POC1B: variants seen among roughly 807,000 people sequenced by gnomAD.
POC1B encodes the protein POC1 centriolar protein B.
POC1B carries 44 observed loss-of-function variants against 60.6 expected under a neutral mutation model. The observed-to-expected ratio is 0.73, with a 90% CI of 0.57 to 0.93. The LOEUF (loss-of-function observed/expected upper bound fraction) is 0.93. Ranked by LOEUF, POC1B falls within the 40% of genes least tolerant of loss-of-function variation. The pLI is 0.00. For missense variants in POC1B, 555 were observed against 572.3 expected (o/e 0.97, Z 0.31); for synonymous variants, 180 against 198.9 (o/e 0.90, Z 0.80).
chr12:89,415,960 A>C (rs572078762), downstream of POC1B, among the ~76,000 whole-genome samples: 2 of 152,190 alleles, frequency 1.3e-5, no homozygotes, highest in Admixed American at 1.3e-4. Flanking sequence ...ATGTTTGCCT[A>C]TCCTATTTCT....
chr12:89,516,510 C>T (rs963753811), intron 2 of POC1B, among the ~76,000 whole-genome samples: 1 of 152,170 alleles, frequency 6.6e-6, no homozygotes, highest in South Asian at 2.1e-4. Flanking sequence ...ACTAATAGTA[C>T]AATCTCCATA....
At chr12:89,502,804 C>G in intron 2 of POC1B, 1 of 1,314,892 alleles carries the variant, frequency 7.6e-7, no homozygotes, top group Non-Finnish European at 1.1e-6. Flanking sequence ...ACTTTGGTGA[C>G]CTTTCGTGTA....
chr12:89,424,771 G>A (rs1880687217), intron 11 of POC1B, among the ~76,000 whole-genome samples: 1 of 152,216 alleles, frequency 6.6e-6, no homozygotes, highest in Admixed American at 6.5e-5. Context: ...ATGCCTGGAA[G>A]ATCACTGCAT....
chr12:89,474,238 A>G (rs1160024705), intron 4 of POC1B, among the ~76,000 whole-genome samples: 1 of 151,992 alleles, frequency 6.6e-6, no homozygotes, highest in African/African-American at 2.4e-5. Context: ...TAAAAAACTA[A>G]TGCAAGGGAT....
the POC1B span, among the ~76,000 whole-genome samples, chr12:89,409,829 G>A: frequency 6.6e-6 from 1 of 152,064 alleles, no homozygotes; most frequent in East Asian, 1.9e-4. Flanking sequence ...TACCAACCAA[G>A]AAAAGCCAAG....
intron 4 of POC1B, among the ~76,000 whole-genome samples, chr12:89,476,697 AATAGATAG>A (rs754459068): frequency 0.075 from 10,524 of 139,840 alleles, 406 homozygotes; most frequent in Middle Eastern, 0.085. Flanking sequence ...AGACTGTCTC[AATAGATAG>A]ATAGATAGAT....
chr12:89,424,357 G>A (rs1373956263), intron 11 of POC1B, among the ~76,000 whole-genome samples: 2 of 152,180 alleles, frequency 1.3e-5, no homozygotes, highest in African/African-American at 4.8e-5. Context: ...TGATTATAAT[G>A]TACAGTCAGG....
At chr12:89,495,058 C>T (rs886712252) in intron 3 of POC1B, among the ~76,000 whole-genome samples, 7 of 152,164 alleles carry the variant, frequency 4.6e-5, no homozygotes, top group South Asian at 2.1e-4. Context: ...TCTTCCTTCC[C>T]GTTGCCACGA....
At chr12:89,500,773 T>C (rs1210594046) in intron 2 of POC1B, 2 of 1,040,556 alleles carry the variant, frequency 1.9e-6, no homozygotes, top group African/African-American at 1.6e-5. Flanking sequence ...GATAATAAAG[T>C]ATCAGATAAA....
intron 2 of POC1B, among the ~76,000 whole-genome samples, chr12:89,514,352 T>C (rs991732015): frequency 8.2e-5 from 12 of 146,274 alleles, no homozygotes; most frequent in African/African-American, 3.0e-4. Flanking sequence ...TGTGGAACTG[T>C]GAGCCAATCA....
At chr12:89,463,994 CAT>C (rs1882577574) in intron 9 of POC1B, among the ~76,000 whole-genome samples, 1 of 152,066 alleles carries the variant, frequency 6.6e-6, no homozygotes, top group South Asian at 2.1e-4. Context: ...TCATAGAAAA[CAT>C]AATACAAATC....
At chr12:89,453,166 G>A (rs556525193) in intron 10 of POC1B, among the ~76,000 whole-genome samples, 7 of 152,000 alleles carry the variant, frequency 4.6e-5, no homozygotes, top group South Asian at 2.1e-4. Context: ...ATTTAATTAC[G>A]TCACTTAATT....
At chr12:89,437,636 T>A (rs1303137095) in intron 10 of POC1B, among the ~76,000 whole-genome samples, 2 of 147,508 alleles carry the variant, frequency 1.4e-5, no homozygotes, top group East Asian at 4.0e-4. Flanking sequence ...ATTTAAACAC[T>A]CCACTAATTA....
chr12:89,477,966 C>T (rs937575981), intron 4 of POC1B, among the ~76,000 whole-genome samples: 1 of 152,148 alleles, frequency 6.6e-6, no homozygotes, highest in Non-Finnish European at 1.5e-5. Flanking sequence ...AAGGATTTTA[C>T]ACCTCCTTCA....
intron 2 of POC1B, among the ~76,000 whole-genome samples, chr12:89,512,593 A>C (rs1218095911): frequency 6.6e-6 from 1 of 152,092 alleles, no homozygotes; most frequent in Non-Finnish European, 1.5e-5. Flanking sequence ...GCTCTCTACA[A>C]ACAATTTAAA....
At chr12:89,458,043 C>A (rs984137581) in intron 10 of POC1B, among the ~76,000 whole-genome samples, 12 of 152,158 alleles carry the variant, frequency 7.9e-5, no homozygotes. Context: ...GGATTCCTCA[C>A]GTAATGAGGC....
intron 4 of POC1B, among the ~76,000 whole-genome samples, chr12:89,478,697 T>G (rs952456804): frequency 6.6e-6 from 1 of 152,218 alleles, no homozygotes; most frequent in African/African-American, 2.4e-5. Flanking sequence ...ACTGTATACA[T>G]AAAAATGGTT....
intron 4 of POC1B, among the ~76,000 whole-genome samples, chr12:89,478,478 G>A (rs185477340): frequency 6.6e-6 from 1 of 152,144 alleles, no homozygotes; most frequent in Non-Finnish European, 1.5e-5. Flanking sequence ...ATATAAGCAA[G>A]AAGAGGCAAC....
At chr12:89,493,101 C>T (rs575220119) in intron 3 of POC1B, among the ~76,000 whole-genome samples, 10 of 152,248 alleles carry the variant, frequency 6.6e-5, no homozygotes, top group African/African-American at 2.2e-4. Flanking sequence ...ACTTTGTACT[C>T]GGAACAGTCA....
Sources: gnomAD v4.1 joint callset for allele counts (sites outside exome capture counted in the v4.1 genomes callset) on GRCh38, gnomAD v4.1.1 for gene constraint, MANE v1.5 for transcripts, NCBI Gene and HGNC (gene_info 2026-07-23, HGNC 2026-07-21) for gene names.